Variants in GAS7 observed in about 807,000 individuals in gnomAD.
GAS7 encodes the protein growth arrest-specific protein 7.
Under a neutral mutation model 71.1 loss-of-function variants are expected in GAS7, and 28 were observed. That is an observed-to-expected ratio of 0.39 (90% CI 0.29 to 0.54). GAS7 has a LOEUF of 0.54. GAS7 is among the 20% of genes least tolerant of loss of function. GAS7 has a pLI of 0.62. For missense variants in GAS7, 436 were observed against 627.8 expected, an observed-to-expected ratio of 0.69 and a Z score of 3.27; for synonymous variants, 258 against 245.8, an observed-to-expected ratio of 1.05 and a Z score of -0.46.
At chr17:10,148,237 T>C (rs1461429577) in intron 1 of GAS7, among the ~76,000 whole-genome samples, 1 of 152,196 alleles carries the variant, frequency 6.6e-6, no homozygotes, top group Non-Finnish European at 1.5e-5. Context: ...GGTGAAAAGC[T>C]GCCTCGTTGG....
chr17:9,932,194 C>CATCTTTTT (rs1567789287), intron 9 of GAS7, among the ~76,000 whole-genome samples: 1 of 116,154 alleles, frequency 8.6e-6, no homozygotes, highest in East Asian at 2.4e-4. Context: ...GTCCCCCCCG[C>CATCTTTTT]TTTTTTTTTT....
At chr17:10,043,510 T>G (rs919648774) in intron 1 of GAS7, among the ~76,000 whole-genome samples, 4 of 152,262 alleles carry the variant, frequency 2.6e-5, no homozygotes, top group Middle Eastern at 3.2e-3. Flanking sequence ...AACCTACTGC[T>G]GACTAGAAGC....
chr17:10,024,956 C>T (rs953730594), intron 1 of GAS7, among the ~76,000 whole-genome samples: 19 of 152,216 alleles, frequency 1.2e-4, no homozygotes, highest in African/African-American at 4.6e-4. Flanking sequence ...GCATGCCAGA[C>T]TGGACTGGGT....
Position 9,919,511 on chromosome 17 carries a change from G to A in GAS7, c.1218+115C>T, listed in dbSNP as rs2067716305. 2.1e-5 allele frequency: 17 copies of A among 796,044 alleles called. No homozygotes were observed. In the South Asian group the frequency reaches 2.3e-4, roughly 11 times the overall value. The allele number at this position is 796,044 out of a possible 1,614,324, so 49.3% of individuals were successfully genotyped here. On this transcript the variant is annotated intron_variant, in intron 12 of 13. Coordinates refer to ENST00000432992, the MANE Select transcript of GAS7 (RefSeq NM_201433.2). This position sits in a 1 kb window ranked among gnomAD's most constrained non-coding sequence, Gnocchi z 5.0. ...TCGACCCCAACACTGAAGTAGATTTGATGACCATCTCCAGGGTCACTCCAC... is the reference window on the plus strand; with the variant it reads ...TCGACCCCAACACTGAAGTAGATTTAATGACCATCTCCAGGGTCACTCCAC...
In GAS7 at chr17:10,041,085, T is replaced by C. The variant is rs1597739056; in HGVS notation, c.184-21188A>G. Among the ~76,000 whole-genome samples, 3 of 148,450 alleles carry C rather than the reference T, an allele frequency of 2.0e-5. No individual in the cohort carries two copies. In the South Asian group the frequency reaches 6.4e-4, roughly 31 times the overall value. The stretch of plus-strand genomic sequence containing the variant: ...GCTGAGACAGGAGAATTGCTTGAAC[T>C]CAGGAGGCAGAGGTTGCAGTGAGCC... On this transcript the variant is annotated intron_variant, in intron 1 of 13. Coordinates refer to ENST00000432992, the MANE Select transcript of GAS7 (RefSeq NM_201433.2).
chr17:9,961,408 T>C (rs2069487194), intron 4 of GAS7, among the ~76,000 whole-genome samples: 1 of 152,112 alleles, frequency 6.6e-6, no homozygotes, highest in South Asian at 2.1e-4. Flanking sequence ...GCCAAGCAAA[T>C]ACATGGCAGG....
Position 10,084,303 on chromosome 17 carries a change from G to A in GAS7, c.184-64406C>T, listed in dbSNP as rs375179561. ...AATGTTAATTCATTTCTTCCCAGTG[G>A]TAGAGTTGTCTATTTAATAATCATA... On this transcript the variant is annotated intron_variant, in intron 1 of 13. Coordinates refer to ENST00000432992, the MANE Select transcript of GAS7 (RefSeq NM_201433.2). Among the ~76,000 whole-genome samples, 51 of 152,296 alleles carry A rather than the reference G, an allele frequency of 3.3e-4. No individual in the cohort carries two copies. The East Asian group carries it at 5.4e-3, about 16-fold the overall frequency.
chr17:9,989,127 G>A (rs1049465234), intron 2 of GAS7, among the ~76,000 whole-genome samples: 2 of 151,992 alleles, frequency 1.3e-5, no homozygotes, highest in African/African-American at 2.4e-5. Context: ...GGGACTACGC[G>A]CCCGGCCCAT....
intron 6 of GAS7, among the ~76,000 whole-genome samples, chr17:9,946,259 GA>G (rs961861631): frequency 3.3e-5 from 5 of 152,006 alleles, no homozygotes; most frequent in African/African-American, 7.3e-5. Context: ...TTTGAATGGT[GA>G]AAAAAATACA....
At chr17:10,179,422 T>C (rs2074397939) in intron 1 of GAS7, among the ~76,000 whole-genome samples, 1 of 152,148 alleles carries the variant, frequency 6.6e-6, no homozygotes, top group African/African-American at 2.4e-5. Context: ...TCAGGAGATC[T>C]TGGATGCAAT....
chr17:9,925,484 G>A lies in GAS7; in HGVS notation c.1130C>T (p.Thr377Ile), dbSNP rs1390713662. ...EDIKKARRKS[T>I]QAGDDLMRCV... is the part of the protein sequence containing the mutation. ...GGGTGCCCAGCACTTACCAGCCTGT[G>A]TGGACTTTCTCCGCGCCTTCTTGAT... Residue 377 changes from threonine (T) to isoleucine (I), a missense_variant, in exon 11 of 14, where the codon ACA (threonine) becomes ATA (isoleucine). Thr to Ile is a moderately conservative substitution (Grantham distance 89). Coordinates refer to ENST00000432992, the MANE Select transcript of GAS7 (RefSeq NM_201433.2). The A allele has an allele frequency of 6.2e-7, 1 of 1,614,190 alleles. No individual in the cohort carries two copies. Among genetic ancestry groups the A allele is most frequent in the Admixed American group, 1.7e-5 (1 of 60,032 alleles).
At chr17:9,991,873 G>A (rs2070855894) in intron 2 of GAS7, among the ~76,000 whole-genome samples, 1 of 151,738 alleles carries the variant, frequency 6.6e-6, no homozygotes, top group Non-Finnish European at 1.5e-5. Context: ...TTGAGAAACT[G>A]AGAAGACACC....
intron 13 of GAS7, among the ~76,000 whole-genome samples, 194 bp from the exon 14 acceptor site, chr17:9,917,535 C>T (rs766932465): frequency 2.0e-5 from 3 of 152,160 alleles, no homozygotes; most frequent in Non-Finnish European, 2.9e-5. Context: ...GTATGCATCC[C>T]GACCCTGCTT....
At chr17:9,973,544 G>C (rs943326463) in intron 3 of GAS7, among the ~76,000 whole-genome samples, 1 of 152,192 alleles carries the variant, frequency 6.6e-6, no homozygotes, top group Admixed American at 6.5e-5. Context: ...ATGAGCCACC[G>C]TGCTGTACTT....
At chr17:9,917,800 C>T (rs915137414) in intron 13 of GAS7, among the ~76,000 whole-genome samples, 2 of 152,186 alleles carry the variant, frequency 1.3e-5, no homozygotes, top group Non-Finnish European at 2.9e-5. Context: ...CTTCATGTGC[C>T]AGGGTCGGAA....
chr17:10,096,299 C>A (rs1000478502), intron 1 of GAS7, among the ~76,000 whole-genome samples: 15 of 152,304 alleles, frequency 9.8e-5, no homozygotes, highest in Admixed American at 6.5e-4. Flanking sequence ...CTACAGTCAA[C>A]CACTTCCCAA....
intron 1 of GAS7, among the ~76,000 whole-genome samples, chr17:10,189,369 A>T (rs1272430327): frequency 6.6e-6 from 1 of 151,990 alleles, no homozygotes; most frequent in East Asian, 1.9e-4. Context: ...CTTCAAATCC[A>T]TTCTCCACCC....
intron 1 of GAS7, among the ~76,000 whole-genome samples, chr17:10,192,606 T>C (rs184609900): frequency 1.3e-5 from 2 of 152,136 alleles, no homozygotes; most frequent in Non-Finnish European, 2.9e-5. Context: ...TGAACAGATG[T>C]CAGGGATTCC....
At position 9,997,224 on chromosome 17, in the gene GAS7, A is replaced by G. The variant is rs865840241; in HGVS notation, c.305-15340T>C. Among the ~76,000 whole-genome samples, 59 of 100,768 alleles carry G rather than the reference A, an allele frequency of 5.9e-4. No individual in the cohort carries two copies. The Middle Eastern group carries it at 0.039, about 67-fold the overall frequency. 66.1% of individuals were successfully genotyped at this position (100,768 alleles called of 152,430 possible). On this transcript the variant is annotated intron_variant, in intron 2 of 13. Coordinates refer to ENST00000432992, the MANE Select transcript of GAS7 (RefSeq NM_201433.2). ...CAGAAATTAAATTCCATATGGCTTA[A>G]TATTTTAAAGGGGCCGGGCGGGTGG...
Sources: allele counts gnomAD v4.1 joint callset (sites outside exome capture counted in the v4.1 genomes callset), GRCh38; gene constraint gnomAD v4.1.1; non-coding constraint Gnocchi (gnomAD v3.1); transcripts MANE v1.5; gene names NCBI Gene and HGNC (gene_info 2026-07-23, HGNC 2026-07-21).